The following COP1 variants were observed in gnomAD, a reference collection of about 807,000 sequenced individuals.
COP1 encodes COP1 E3 ubiquitin ligase, also known as E3 ubiquitin-protein ligase COP1.
COP1 carries 24 observed loss-of-function variants against 101.3 expected under a neutral mutation model. The observed-to-expected ratio is 0.24, with a 90% CI of 0.17 to 0.33. COP1 has a LOEUF of 0.33. COP1 is among the 10% of genes least tolerant of loss of function. COP1 has a pLI of 1.00. For missense variants in COP1, 663 were observed against 906.2 expected, an observed-to-expected ratio of 0.73 and a Z score of 3.45; for synonymous variants, 347 against 341.9, an observed-to-expected ratio of 1.01 and a Z score of -0.17.
chr1:175,950,400 A>C (rs912696856), intron 18 of COP1, among the ~76,000 whole-genome samples: 2 of 152,126 alleles, frequency 1.3e-5, no homozygotes, highest in African/African-American at 4.8e-5. Flanking sequence ...CTTAAGATAA[A>C]TTATTTTTTT....
intron 5 of COP1, among the ~76,000 whole-genome samples, chr1:176,158,446 A>C (rs189114707): frequency 1.8e-4 from 28 of 152,244 alleles, no homozygotes; most frequent in Admixed American, 1.6e-3. Context: ...TAGACAAAAG[A>C]ATAAAGGACA....
chr1:176,186,921 G>A (rs1056515516), intron 1 of COP1, among the ~76,000 whole-genome samples: 1 of 152,116 alleles, frequency 6.6e-6, no homozygotes, highest in Non-Finnish European at 1.5e-5. Flanking sequence ...TGGAAGAAAT[G>A]ACTACAGGTT....
intron 14 of COP1, among the ~76,000 whole-genome samples, chr1:176,038,816 T>TA (rs1670024077): frequency 4.7e-5 from 1 of 21,150 alleles, no homozygotes; most frequent in African/African-American, 7.3e-5. Context: ...AGACTCCATC[T>TA]CAAAAAAAAA....
chr1:175,956,368 T>A (rs1245102130), intron 18 of COP1, among the ~76,000 whole-genome samples: 1 of 151,988 alleles, frequency 6.6e-6, no homozygotes, highest in Non-Finnish European at 1.5e-5. Flanking sequence ...ATTCCCAAAA[T>A]TAATTCTAAA....
At chr1:176,134,029 C>A in intron 8 of COP1, 1 of 357,974 alleles carries the variant, frequency 2.8e-6, no homozygotes, top group Non-Finnish European at 5.5e-6. Flanking sequence ...AAGGATTCTC[C>A]ATACTATAAT....
chr1:175,972,981 C>T (rs12141054), intron 18 of COP1, among the ~76,000 whole-genome samples: 10,325 of 151,964 alleles, frequency 0.068, 456 homozygotes, highest in Non-Finnish European at 0.087. Flanking sequence ...TACAGGCATG[C>T]GCCACCACAC....
At chr1:176,100,654 C>T (rs1051723730) in intron 9 of COP1, among the ~76,000 whole-genome samples, 31 of 152,036 alleles carry the variant, frequency 2.0e-4, no homozygotes, top group African/African-American at 7.2e-4. Context: ...ACAGAATGCC[C>T]GTCACTCGGA....
At chr1:176,148,249 C>T (rs1028149827) in intron 6 of COP1, among the ~76,000 whole-genome samples, 1 of 152,092 alleles carries the variant, frequency 6.6e-6, no homozygotes, top group Non-Finnish European at 1.5e-5. Flanking sequence ...TAAAACATCT[C>T]TTATCTATTT....
At chr1:175,972,996 G>C (rs1400395088) in intron 18 of COP1, among the ~76,000 whole-genome samples, 1 of 150,890 alleles carries the variant, frequency 6.6e-6, no homozygotes, top group Non-Finnish European at 1.5e-5. Context: ...CCACACCCGG[G>C]TAATTTTGTA....
chr1:176,090,610 T>C (rs760755129), intron 9 of COP1, among the ~76,000 whole-genome samples: 7 of 151,920 alleles, frequency 4.6e-5, no homozygotes, highest in African/African-American at 1.2e-4. Context: ...ACAAAAGTAA[T>C]TGAACTGGAA....
At chr1:176,139,273 CAAAAACAAA>C (rs1209115712) in intron 6 of COP1, among the ~76,000 whole-genome samples, 1 of 116,318 alleles carries the variant, frequency 8.6e-6, no homozygotes. Flanking sequence ...AGTGAAAAAA[CAAAAACAAA>C]AAAAACAAAA....
At chr1:176,121,947 T>C (rs577646009) in intron 8 of COP1, among the ~76,000 whole-genome samples, 2 of 152,150 alleles carry the variant, frequency 1.3e-5, no homozygotes, top group African/African-American at 4.8e-5. Flanking sequence ...GAGACCATCC[T>C]GGCTAACACA....
intron 8 of COP1, among the ~76,000 whole-genome samples, chr1:176,125,745 T>A (rs1558158840): frequency 1.3e-5 from 2 of 152,198 alleles, no homozygotes; most frequent in Non-Finnish European, 2.9e-5. Context: ...AGGATTTTTT[T>A]TTCTATTTCT....
chr1:176,116,697 A>G lies in COP1; in HGVS notation c.969-16T>C. ...AATAATACTACTGCAAAATGAAGAG[A>G]AAAAAATGTGATTTCAGTATTTACA... On this transcript the variant is annotated splice_polypyrimidine_tract_variant and intron_variant, in intron 8 of 19. Coordinates refer to ENST00000367669, the MANE Select transcript of COP1 (RefSeq NM_022457.7). 1.3e-6 allele frequency: 2 copies of G among 1,582,546 alleles called. No homozygotes were observed. Among genetic ancestry groups the G allele is most frequent in the Non-Finnish European group, 1.7e-6 (2 of 1,155,404 alleles).
intron 14 of COP1, among the ~76,000 whole-genome samples, chr1:176,037,249 A>G (rs567448157): frequency 6.6e-6 from 1 of 152,040 alleles, no homozygotes; most frequent in East Asian, 1.9e-4. Flanking sequence ...AAAAATACAA[A>G]AACAAAAATT....
At chr1:176,005,872 G>A (rs912407956) in intron 15 of COP1, among the ~76,000 whole-genome samples, 7 of 152,088 alleles carry the variant, frequency 4.6e-5, no homozygotes, top group African/African-American at 1.4e-4. Context: ...GGTCCGCTTG[G>A]TGCAGAGCTG....
chr1:175,980,228 A>G (rs879263990), intron 18 of COP1, among the ~76,000 whole-genome samples: 16,182 of 151,668 alleles, frequency 0.11, 958 homozygotes, highest in Middle Eastern at 0.16. Context: ...CTCTTACTCA[A>G]AATACTATGA....
At chr1:176,045,610 G>C (rs1307276500) in intron 12 of COP1, among the ~76,000 whole-genome samples, 2 of 145,484 alleles carry the variant, frequency 1.4e-5, no homozygotes, top group Non-Finnish European at 3.0e-5. Flanking sequence ...GCAGATTCTA[G>C]AATTCTTCTG....
rs1326833238 is a variant in COP1 at position 175,947,751 on chromosome 1, TAA to T, written c.2134-514_2134-513del. On this transcript the variant is annotated intron_variant, in intron 18 of 19. Transcript: ENST00000367669. ...TGAAGTGTAAGTTTTAATAAAAGAA[TAA>T]AGTTAGAAGCAGAGTAGGACACTTT... Among the ~76,000 whole-genome samples, 8 of 152,010 alleles carry T rather than the reference TAA, an allele frequency of 5.3e-5. No individual in the cohort carries two copies. The East Asian group carries it at 1.5e-3, about 29-fold the overall frequency.
Sources: allele counts gnomAD v4.1 joint callset (sites outside exome capture counted in the v4.1 genomes callset), GRCh38; gene constraint gnomAD v4.1.1; transcripts MANE v1.5; gene names NCBI Gene and HGNC (gene_info 2026-07-23, HGNC 2026-07-21).